The following PAXIP1 variants were observed in gnomAD, a reference collection of about 807,000 sequenced individuals.
The protein encoded by PAXIP1 is PAX interacting protein 1.
Under a neutral mutation model 140.6 loss-of-function variants are expected in PAXIP1, and 19 were observed. The observed-to-expected ratio is 0.14, with a 90% CI of 0.09 to 0.20. The LOEUF (loss-of-function observed/expected upper bound fraction) is 0.20. Among genes scored for constraint, PAXIP1 ranks in the 10% least tolerant of loss-of-function variants. The pLI, the probability that PAXIP1 is intolerant of heterozygous loss-of-function variation, is 1.00. For synonymous variants in PAXIP1, 442 were observed against 444.6 expected (o/e 0.99, Z 0.07); for missense variants, 920 against 1,208.6 (o/e 0.76, Z 3.54).
intron 8 of PAXIP1, among the ~76,000 whole-genome samples, chr7:154,966,428 T>G (rs893495104): frequency 2.6e-5 from 4 of 152,206 alleles, no homozygotes; most frequent in East Asian, 3.9e-4. Flanking sequence ...TGGCCTTCAG[T>G]TGCAAAGCTA....
Position 154,968,681 on chromosome 7 carries a change from T to A in PAXIP1, c.1520A>T (p.His507Leu). The change falls in exon 7 of 21, where the codon CAC becomes CTC. Residue 507 changes from histidine (H) to leucine (L), a missense_variant. By Grantham distance (99) the His-to-Leu change is moderately conservative (BLOSUM62 -3). Around this residue, in one of 5 missense-constraint regions of PAXIP1, gnomAD observed 133 missense variants for 88.4 expected, o/e 1.50. Coordinates refer to ENST00000404141, the MANE Select transcript of PAXIP1 (RefSeq NM_007349.4). ...LQQQFHQLQQHQLQQQQLAQL... is the reference protein window; with the variant it reads ...LQQQFHQLQQLQLQQQQLAQL... ...GGCAAGCTGCTGCTGCTGGAGCTGGTGCTGCTGCAGCTGATGGAACTGCTG... is the reference window on the plus strand; with the variant it reads ...GGCAAGCTGCTGCTGCTGGAGCTGGAGCTGCTGCAGCTGATGGAACTGCTG... 1 of 716,098 alleles carries A rather than the reference T, an allele frequency of 1.4e-6. No homozygotes were observed. Among genetic ancestry groups the A allele is most frequent in the Non-Finnish European group, 2.6e-6 (1 of 384,396 alleles). The allele number at this position is 716,098 out of a possible 1,614,324, so 44.4% of individuals were successfully genotyped here. A position where few individuals can be genotyped will look rare whatever the true frequency, so the allele number is the denominator to read the frequency against.
Position 154,946,712 on chromosome 7 carries a change from A to G in PAXIP1, c.3024T>C (p.Ser1008=), listed in dbSNP as rs1585032174. 1 of 1,613,868 alleles carries G rather than the reference A, an allele frequency of 6.2e-7. No individual in the cohort carries two copies. The highest frequency in any genetic ancestry group is 8.5e-7 in the Non-Finnish European group (1 of 1,179,852). ...AGGKVLSKQP[S]FRKLMEHKQN... The stretch of plus-strand genomic sequence containing the variant: ...GCTTGTGCTCCATGAGCTTCCGGAA[A>G]GATGGCTGCTTGGATAACACCTTTC... Residue 1008 remains serine (S), a synonymous_variant, in exon 18 of 21, where the codon TCT becomes TCC. Coordinates refer to ENST00000404141, the MANE Select transcript of PAXIP1 (RefSeq NM_007349.4). The surrounding 1 kb of genome is among the most constrained non-coding windows in gnomAD (Gnocchi z 4.9).
At chr7:154,999,665 A>G (rs1810797042) in intron 1 of PAXIP1, among the ~76,000 whole-genome samples, 1 of 152,198 alleles carries the variant, frequency 6.6e-6, no homozygotes, top group South Asian at 2.1e-4. Context: ...TGAGGAACAC[A>G]TCAGAAGGCT....
Position 154,976,154 on chromosome 7 carries a change from G to T in PAXIP1, c.616C>A (p.Gln206Lys). 1 of 1,584,628 alleles carries T rather than the reference G, an allele frequency of 6.3e-7. No individual in the cohort carries two copies. The change falls in exon 6 of 21, where the codon CAA becomes AAA. Residue 206 changes from glutamine to lysine, a missense_variant. Transcript: ENST00000404141. ...EEEEEVENEE[Q>K]DSQNEGSTDE... is the part of the protein sequence containing the mutation. ...GTACTACCCTCATTCTGAGAATCTTGTTCCTCATTTTCTACTTCCTCCTCC... is the reference window on the plus strand; with the variant it reads ...GTACTACCCTCATTCTGAGAATCTTTTTCCTCATTTTCTACTTCCTCCTCC...
intron 16 of PAXIP1, chr7:154,948,845 T>C (rs1563359690): frequency 6.6e-6 from 1 of 152,028 alleles, no homozygotes; most frequent in Non-Finnish European, 1.5e-5. Context: ...TAATCAATTA[T>C]GTGAATTACC....
intron 2 of PAXIP1, 102 bp from the exon 3 acceptor site, chr7:154,993,871 A>G: frequency 1.3e-6 from 1 of 774,856 alleles, no homozygotes. Context: ...GTTACAACCT[A>G]TTTTAAAACA....
At position 154,962,348 on chromosome 7, in the gene PAXIP1, T is replaced by C. The variant is rs780859502; in HGVS notation, c.2100A>G (p.Pro700=). The part of the protein sequence containing the change: ...HRALHFPVAF[P]PGGKPCSQHI... Reference sequence around the variant, plus strand: ...GCTGTGAACATGGCTTTCCTCCTGGTGGGAAGGCCACTGGGAAGTGAAGGG... The same window carrying C: ...GCTGTGAACATGGCTTTCCTCCTGGCGGGAAGGCCACTGGGAAGTGAAGGG... The change falls in exon 10 of 21, where the codon CCA becomes CCG. Residue 700 remains proline, a synonymous_variant. Transcript: ENST00000404141. 1 of 1,613,814 alleles carries C rather than the reference T, an allele frequency of 6.2e-7. No individual in the cohort carries two copies. Among genetic ancestry groups the C allele is most frequent in the South Asian group, 1.1e-5 (1 of 91,056 alleles).
chr7:154,983,212 C>T lies in PAXIP1; in HGVS notation c.438+7G>A, dbSNP rs370229586. 1.5e-5 allele frequency: 23 copies of T among 1,497,818 alleles called. No individual in the cohort carries two copies. Among genetic ancestry groups the T allele is most frequent in the East Asian group, 2.3e-5 (1 of 42,892 alleles). 92.8% of individuals were successfully genotyped at this position (1,497,818 alleles called of 1,614,324 possible). ...TACAAAAAGAAGGTGGCACAAGAAACGCTTACCCCCTTTGGCTCTGGAACA... is the reference window on the plus strand; with the variant it reads ...TACAAAAAGAAGGTGGCACAAGAAATGCTTACCCCCTTTGGCTCTGGAACA... On this transcript the variant is annotated splice_region_variant and intron_variant, in intron 5 of 20. Transcript: ENST00000404141.
rs561207585 is a variant in PAXIP1, at chr7:154,975,689, G to A, written c.1074+7C>T. ...TACTGACATTTTTTTCGGAAAGAGT[G>A]ACTTACATGTGCTACATTTGATGGC... On this transcript the variant is annotated splice_region_variant and intron_variant, in intron 6 of 20. Transcript: ENST00000404141. 1.3e-6 allele frequency: 2 copies of A among 1,574,410 alleles called. No homozygotes were observed. Among genetic ancestry groups the A allele is most frequent in the Middle Eastern group, 1.7e-4 (1 of 5,968 alleles).
intron 4 of PAXIP1, among the ~76,000 whole-genome samples, chr7:154,987,409 A>G (rs1424813072): frequency 2.0e-5 from 3 of 152,188 alleles, no homozygotes; most frequent in Non-Finnish European, 4.4e-5. Context: ...GTTTCTAAAA[A>G]TAACGTCCTC....
At chr7:154,993,683 A>T in intron 3 of PAXIP1, 43 bp downstream of exon 3, 1 of 1,461,290 alleles carries the variant, frequency 6.8e-7, no homozygotes, top group Non-Finnish European at 9.4e-7. Flanking sequence ...TCTTAAACCC[A>T]GAGTTACCCT....
At position 154,963,911 on chromosome 7, in the gene PAXIP1, T is replaced by C. The variant is rs540675548; in HGVS notation, c.1894-145A>G. 66 of 638,586 alleles carry C rather than the reference T, an allele frequency of 1.0e-4. No individual in the cohort carries two copies. In the South Asian group the frequency reaches 1.2e-3, roughly 11 times the overall value. The allele number at this position is 638,586 out of a possible 1,614,324, so 39.6% of individuals were successfully genotyped here. A position where few individuals can be genotyped will look rare whatever the true frequency, so the allele number is the denominator to read the frequency against. On this transcript the variant is annotated intron_variant, in intron 8 of 20. Coordinates refer to ENST00000404141, the MANE Select transcript of PAXIP1 (RefSeq NM_007349.4). The surrounding 1 kb of genome is among the most constrained non-coding windows in gnomAD (Gnocchi z 4.1). ...AAGTATCAAGGACATGTAACAGTTC[T>C]ATTTACGGACTTTTCTACCCAGCAC...
At chr7:154,998,105 G>A (rs1045416597) in intron 2 of PAXIP1, among the ~76,000 whole-genome samples, 5 of 152,178 alleles carry the variant, frequency 3.3e-5, no homozygotes, top group South Asian at 2.1e-4. Flanking sequence ...GATTACTTAC[G>A]ACATACAGAA....
chr7:154,961,382 A>G (rs1003213589), intron 11 of PAXIP1, 145 bp downstream of exon 11: 12 of 647,298 alleles, frequency 1.9e-5, no homozygotes, highest in Non-Finnish European at 2.8e-5. Context: ...TAACATTACT[A>G]TATCATTGTC....
intron 11 of PAXIP1, 84 bp downstream of exon 11, chr7:154,961,443 A>G (rs1808750312): frequency 2.7e-6 from 3 of 1,130,860 alleles, no homozygotes; most frequent in Non-Finnish European, 2.4e-6. Flanking sequence ...AAACTATGAC[A>G]TACTAAAAAA....
rs185151522 is a variant in PAXIP1, at chr7:154,986,256, G to C, written c.325-2924C>G. On this transcript the variant is annotated intron_variant, in intron 4 of 20. Transcript: ENST00000404141. The surrounding 1 kb of genome is among the most constrained non-coding windows in gnomAD (Gnocchi z 4.8). ...TTGTAAAGCTGGGGTCCTGCCTGGC[G>C]TGTGCATGTGAGTGTGTGTGCGCAT... 3 of 1,084,812 alleles carry C rather than the reference G, an allele frequency of 2.8e-6. No homozygotes were observed. In the Admixed American group the frequency reaches 8.0e-5, roughly 29 times the overall value. The allele number at this position is 1,084,812 out of a possible 1,614,324, so 67.2% of individuals were successfully genotyped here.
rs1168091440 is a variant in PAXIP1 at position 154,956,235 on chromosome 7, C to G, written c.2550-604G>C. Reference sequence around the variant, plus strand: ...GGTCTTTTTTTCAGGTTATTATTTTCTGAGACAGTCCAATAAAAATTTATT... The same window carrying G: ...GGTCTTTTTTTCAGGTTATTATTTTGTGAGACAGTCCAATAAAAATTTATT... On this transcript the variant is annotated intron_variant, in intron 14 of 20. Coordinates refer to ENST00000404141, the MANE Select transcript of PAXIP1 (RefSeq NM_007349.4). This position sits in a 1 kb window ranked among gnomAD's most constrained non-coding sequence, Gnocchi z 4.2. Among the ~76,000 whole-genome samples, 2 of 151,986 alleles carry G rather than the reference C, an allele frequency of 1.3e-5. No homozygotes were observed. The highest frequency in any genetic ancestry group is 4.8e-5 in the African/African-American group (2 of 41,368).
At chr7:154,982,846 T>C (rs1809905719) in intron 5 of PAXIP1, among the ~76,000 whole-genome samples, 1 of 152,174 alleles carries the variant, frequency 6.6e-6, no homozygotes, top group Non-Finnish European at 1.5e-5. Context: ...CACACACGTT[T>C]ATAATTATAC....
rs115568467 is a variant in PAXIP1 at position 154,957,618 on chromosome 7, G to A, written c.2479-324C>T. 9.4e-3 allele frequency among the ~76,000 whole-genome samples: 1,433 copies of A among 152,136 alleles called. 25 individuals carry two copies. Among genetic ancestry groups the A allele is most frequent in the African/African-American group, 0.031 (1,293 of 41,496 alleles). On this transcript the variant is annotated intron_variant, in intron 13 of 20. Transcript: ENST00000404141. The stretch of plus-strand genomic sequence containing the variant: ...TTATATATATGCAGCCCTCAACCTT[G>A]AACTTCTCAAAATGGTTTTTATTTC...
Sources: allele counts gnomAD v4.1 joint callset (sites outside exome capture counted in the v4.1 genomes callset), GRCh38; gene constraint gnomAD v4.1.1; regional missense constraint gnomAD v4.1.1; non-coding constraint Gnocchi (gnomAD v3.1); transcripts MANE v1.5; gene names NCBI Gene and HGNC (gene_info 2026-07-23, HGNC 2026-07-21).